The following ABCC12 variants were observed in gnomAD, a reference collection of about 807,000 sequenced individuals.
The protein encoded by ABCC12 is ATP binding cassette subfamily C member 12.
ABCC12 carries 142 observed loss-of-function variants against 151.1 expected under a neutral mutation model. The observed-to-expected ratio is 0.94, with a 90% CI of 0.82 to 1.08. The LOEUF (loss-of-function observed/expected upper bound fraction) is 1.08. Ranked by LOEUF, ABCC12 falls within the 50% of genes least tolerant of loss-of-function variation. The pLI is 0.00. For missense variants in ABCC12, 1,638 were observed against 1,691.1 expected, an observed-to-expected ratio of 0.97 and a Z score of 0.55; for synonymous variants, 645 against 646.4, an observed-to-expected ratio of 1.00 and a Z score of 0.03.
intron 4 of ABCC12, among the ~76,000 whole-genome samples, chr16:48,142,336 G>C (rs77309533): frequency 0.097 from 14,783 of 152,242 alleles, 822 homozygotes; most frequent in African/African-American, 0.16. Context: ...CATGTTATTG[G>C]GGGAGTCAGC....
intron 5 of ABCC12, 130 bp from the exon 6 acceptor site, chr16:48,141,050 T>A: frequency 7.2e-7 from 1 of 1,387,796 alleles, no homozygotes; most frequent in Non-Finnish European, 9.7e-7. Context: ...GCTGCTGCTG[T>A]GCTTGACAAG....
At chr16:48,126,482 G>A (rs1964244433) in intron 11 of ABCC12, among the ~76,000 whole-genome samples, 8 of 152,164 alleles carry the variant, frequency 5.3e-5, no homozygotes, top group Admixed American at 4.6e-4. Flanking sequence ...GGAAAAACCT[G>A]GATGCCCTGT....
chr16:48,091,866 C>T (rs1962911492), intron 24 of ABCC12, among the ~76,000 whole-genome samples: 1 of 152,196 alleles, frequency 6.6e-6, no homozygotes. Flanking sequence ...AATGCTCTCT[C>T]ATTTGGAGAG....
chr16:48,082,696 T>C lies in ABCC12; in HGVS notation c.*1019A>G, dbSNP rs953470453. Among the ~76,000 whole-genome samples, 4 of 152,168 alleles carry C rather than the reference T, an allele frequency of 2.6e-5. No individual in the cohort carries two copies. The highest frequency in any genetic ancestry group is 9.7e-5 in the African/African-American group (4 of 41,448). The stretch of plus-strand genomic sequence containing the variant: ...TACATTTAGAGCTCAGCCTGGGGCC[T>C]GGAAAGCAGGCCCAGGGAACCTCAT... On this transcript the variant is annotated 3_prime_UTR_variant, in exon 31 of 31. Coordinates refer to ENST00000311303, the MANE Select transcript of ABCC12 (RefSeq NM_001393797.1).
At position 48,139,315 on chromosome 16, in the gene ABCC12, C is replaced by T; in HGVS notation, c.679G>A (p.Asp227Asn). ...GCAGCTTCAAACAAAGAATAGCTAT[C>T]ACTTGACAGTATATTGAGCACCTGG... ...VGEVLNILSS[D>N]SYSLFEAALF... The change falls in exon 7 of 31, where the codon GAT (aspartate) becomes AAT (asparagine). Residue 227 changes from aspartate to asparagine, a missense_variant. By Grantham distance (23) the Asp-to-Asn change is conservative. Transcript: ENST00000311303. 1 of 1,612,452 alleles carries T rather than the reference C, an allele frequency of 6.2e-7. No individual in the cohort carries two copies. The highest frequency in any genetic ancestry group is 8.5e-7 in the Non-Finnish European group (1 of 1,179,574).
chr16:48,100,924 G>T lies in ABCC12; in HGVS notation c.2986C>A (p.Gln996Lys), dbSNP rs976844477. The T allele has an allele frequency of 1.2e-6, 2 of 1,614,114 alleles. No homozygotes were observed. The highest frequency in any genetic ancestry group is 2.7e-5 in the African/African-American group (2 of 74,952). ...TAGGCGTGAATGATGCCCAGGCCCT[G>T]CATGGAGGAGGTGATGTGGGTGAAC... ...PWFTHITSSM[Q>K]GLGIIHAYGK... Residue 996 changes from glutamine (Q) to lysine (K), a missense_variant, in exon 23 of 31, where the codon CAG (glutamine) becomes AAG (lysine). By Grantham distance (53) the Gln-to-Lys change is moderately conservative. Transcript: ENST00000311303.
chr16:48,144,932 A>G lies in ABCC12; in HGVS notation c.120-867T>C, dbSNP rs557453646. 7.9e-5 allele frequency among the ~76,000 whole-genome samples: 12 copies of G among 152,336 alleles called. No individual in the cohort carries two copies. In the East Asian group the frequency reaches 2.1e-3, roughly 27 times the overall value. On this transcript the variant is annotated intron_variant, in intron 3 of 30. Transcript: ENST00000311303. ...GTCATATTATATGCCTATTTCATAG[A>G]CAAAAACATCAAGGCACAGAGAGTT...
intron 14 of ABCC12, 149 bp downstream of exon 14, chr16:48,117,112 A>C: frequency 1.2e-4 from 71 of 615,696 alleles, no homozygotes; most frequent in Middle Eastern, 3.2e-4. Context: ...ATCCAGAGGA[A>C]GAATTCAGAA....
rs561711453 is a variant in ABCC12, at chr16:48,112,184, C to A, written c.1990-274G>T. Among the ~76,000 whole-genome samples, 679 of 152,238 alleles carry A rather than the reference C, an allele frequency of 4.5e-3. 2 individuals are homozygous for A. Among genetic ancestry groups the A allele is most frequent in the Non-Finnish European group, 7.3e-3 (493 of 67,996 alleles). ...GGCAGATTGGCCCCCAGCACAGAAC[C>A]ATTCATCTAGTACCCACAGGTCTCA... On this transcript the variant is annotated intron_variant, in intron 15 of 30. Coordinates refer to ENST00000311303, the MANE Select transcript of ABCC12 (RefSeq NM_001393797.1).
chr16:48,146,553 T>A (rs1965011091), intron 2 of ABCC12, 79 bp from the exon 3 acceptor site: 1 of 722,768 alleles, frequency 1.4e-6, no homozygotes, highest in Non-Finnish European at 2.4e-6. Context: ...TTTACCCAGA[T>A]CAGTTCCTTT....
chr16:48,111,958 CCCATGCCAAACT>C, intron 15 of ABCC12, 48 bp from the exon 16 acceptor site: 1 of 1,589,878 alleles, frequency 6.3e-7, no homozygotes, highest in Non-Finnish European at 8.6e-7. Flanking sequence ...GAAAGGAGAG[CCCATGCCAAACT>C]CCTCTCCAAC....
chr16:48,103,209 T>C (rs770034736), intron 22 of ABCC12, among the ~76,000 whole-genome samples: 1 of 151,992 alleles, frequency 6.6e-6, no homozygotes, highest in Non-Finnish European at 1.5e-5. Flanking sequence ...ACTAACCCAC[T>C]GGCTGGGCAC....
rs1962318187 is a variant in ABCC12 at position 48,080,938 on chromosome 16, G to T, written c.*2777C>A. On this transcript the variant is annotated 3_prime_UTR_variant, in exon 31 of 31. Transcript: ENST00000311303. ...CAGTTCTGGACGCTGGGAAATCCAT[G>T]GTCGAGGTGCCAACAGATTTGGTGT... 1.3e-5 allele frequency among the ~76,000 whole-genome samples: 2 copies of T among 152,166 alleles called. No individual in the cohort carries two copies. Among genetic ancestry groups the T allele is most frequent in the South Asian group, 4.2e-4 (2 of 4,816 alleles).
At chr16:48,152,835 G>A (rs1218277498) in intron 2 of ABCC12, among the ~76,000 whole-genome samples, 5 of 152,172 alleles carry the variant, frequency 3.3e-5, no homozygotes, top group Non-Finnish European at 5.9e-5. Flanking sequence ...CTTCAAAAAC[G>A]TCAATTGCAC....
At chr16:48,133,558 T>C (rs573028290) in intron 9 of ABCC12, 129 bp downstream of exon 9, 56 of 1,085,020 alleles carry the variant, frequency 5.2e-5, no homozygotes, top group Non-Finnish European at 7.1e-5. Context: ...GGAGTTGAAG[T>C]CACATCCTGT....
intron 25 of ABCC12, among the ~76,000 whole-genome samples, chr16:48,090,190 T>C (rs894552328): frequency 6.6e-6 from 1 of 152,192 alleles, no homozygotes; most frequent in African/African-American, 2.4e-5. Flanking sequence ...ACTGAGCTTC[T>C]ATTTTTCAAC....
In ABCC12 at chr16:48,128,810, A is replaced by G. The variant is rs1038510646; in HGVS notation, c.1237-73T>C. The G allele has an allele frequency of 1.1e-5, 16 of 1,520,426 alleles. No homozygotes were observed. In the African/African-American group the frequency reaches 2.2e-4, roughly 21 times the overall value. 94.2% of individuals were successfully genotyped at this position (1,520,426 alleles called of 1,614,324 possible). A position where few individuals can be genotyped will look rare whatever the true frequency, so the allele number is the denominator to read the frequency against. ...AAGAATCATCCCAATGTATCTTCTA[A>G]TGACCCCAAATCACAATTTTGGCTA... On this transcript the variant is annotated intron_variant, in intron 10 of 30. Transcript: ENST00000311303.
chr16:48,151,925 CT>C (rs1233808281), intron 2 of ABCC12, among the ~76,000 whole-genome samples: 1 of 152,142 alleles, frequency 6.6e-6, no homozygotes, highest in African/African-American at 2.4e-5. Context: ...TTAGGGAGGA[CT>C]TTTGTGGGAG....
At position 48,107,302 on chromosome 16, in the gene ABCC12, A is replaced by C; in HGVS notation, c.2475+20T>G. 1.2e-6 allele frequency: 2 copies of C among 1,606,722 alleles called. No individual in the cohort carries two copies. Among genetic ancestry groups the C allele is most frequent in the Non-Finnish European group, 1.7e-6 (2 of 1,173,326 alleles). ...CCAAGACACAGACTCGGCATCTTCC[A>C]ATGCCAAAGGGAAACTCACCCGTGA... On this transcript the variant is annotated intron_variant, in intron 20 of 30. Coordinates refer to ENST00000311303, the MANE Select transcript of ABCC12 (RefSeq NM_001393797.1).
Sources: allele counts gnomAD v4.1 joint callset (sites outside exome capture counted in the v4.1 genomes callset), GRCh38; gene constraint gnomAD v4.1.1; transcripts MANE v1.5; gene names NCBI Gene and HGNC (gene_info 2026-07-23, HGNC 2026-07-21).